The following KCNJ3 variants were observed in gnomAD, a reference collection of about 807,000 sequenced individuals.
The protein encoded by KCNJ3 is potassium inwardly rectifying channel subfamily J member 3, also known as G protein-activated inward rectifier potassium channel 1.
In KCNJ3, 4 loss-of-function variants were observed where a neutral mutation model predicts 39.2. The observed-to-expected ratio is 0.10, with a 90% CI of 0.05 to 0.23. The LOEUF (loss-of-function observed/expected upper bound fraction) is 0.23, where lower values mean the gene tolerates loss of function less well. Ranked by LOEUF, KCNJ3 falls within the 10% of genes least tolerant of loss-of-function variation. KCNJ3 has a pLI of 1.00. For synonymous variants in KCNJ3, 230 were observed against 237.4 expected (o/e 0.97, Z 0.29); for missense variants, 276 against 634.9 (o/e 0.43, Z 6.08).
chr2:154,819,279 A>T (rs1351001477), intron 2 of KCNJ3, among the ~76,000 whole-genome samples: 4 of 152,306 alleles, frequency 2.6e-5, no homozygotes, highest in African/African-American at 4.8e-5. Context: ...GTAAACTTTT[A>T]AAAAACTTTT....
At chr2:154,838,849 AG>A (rs1687518062) in intron 2 of KCNJ3, among the ~76,000 whole-genome samples, 1 of 152,216 alleles carries the variant, frequency 6.6e-6, no homozygotes, top group Non-Finnish European at 1.5e-5. Context: ...ATATTTCAAA[AG>A]ATTTTCTTCT....
At chr2:154,725,985 A>T (rs1373963340) in intron 2 of KCNJ3, among the ~76,000 whole-genome samples, 1 of 152,168 alleles carries the variant, frequency 6.6e-6, no homozygotes, top group African/African-American at 2.4e-5. Context: ...ACTTAAATGT[A>T]AGACCTGAAA....
At chr2:154,751,057 C>T (rs1037551721) in intron 2 of KCNJ3, among the ~76,000 whole-genome samples, 1 of 151,744 alleles carries the variant, frequency 6.6e-6, no homozygotes, top group African/African-American at 2.4e-5. Context: ...GTATACTTCT[C>T]GGGTGATGGG....
intron 2 of KCNJ3, among the ~76,000 whole-genome samples, chr2:154,822,496 T>A (rs1687201916): frequency 6.6e-6 from 1 of 152,186 alleles, no homozygotes; most frequent in Non-Finnish European, 1.5e-5. Flanking sequence ...TTTTTACAAA[T>A]AAAATAGTTT....
chr2:154,701,871 G>T (rs934131931), intron 1 of KCNJ3, among the ~76,000 whole-genome samples: 1 of 151,982 alleles, frequency 6.6e-6, no homozygotes, highest in African/African-American at 2.4e-5. Flanking sequence ...GTCAGTTAGC[G>T]TAGCTTGTTC....
intron 1 of KCNJ3, among the ~76,000 whole-genome samples, chr2:154,702,262 C>T (rs1424466393): frequency 6.6e-6 from 1 of 151,822 alleles, no homozygotes; most frequent in African/African-American, 2.4e-5. Context: ...GCAACAAAAT[C>T]CAGTATAATA....
chr2:154,825,743 A>AT (rs932015256), intron 2 of KCNJ3, among the ~76,000 whole-genome samples: 4 of 150,710 alleles, frequency 2.7e-5, no homozygotes, highest in South Asian at 2.1e-4. Flanking sequence ...CACCCAGCTA[A>AT]TTTTTTTTAA....
At chr2:154,757,162 G>T (rs376207970) in intron 2 of KCNJ3, among the ~76,000 whole-genome samples, 2 of 152,070 alleles carry the variant, frequency 1.3e-5, no homozygotes, top group Admixed American at 6.6e-5. Flanking sequence ...TATAAATCAA[G>T]AATATAAGTC....
intron 2 of KCNJ3, among the ~76,000 whole-genome samples, chr2:154,767,608 C>G (rs981517004): frequency 6.6e-6 from 1 of 152,132 alleles, no homozygotes; most frequent in Non-Finnish European, 1.5e-5. Flanking sequence ...TGGATTGGTT[C>G]CAAGTCTTTG....
rs904364635 is a variant in KCNJ3 at position 154,849,838 on chromosome 2, G to C, written c.920-4889G>C. On this transcript the variant is annotated intron_variant, in intron 2 of 2. Coordinates refer to ENST00000295101, the MANE Select transcript of KCNJ3 (RefSeq NM_002239.4). Reference sequence around the variant, plus strand: ...TAATTCAGTTAAAAGGATGGACTTAGTTCAGTTTAGAGGCAGAATCAGGAA... The same window carrying C: ...TAATTCAGTTAAAAGGATGGACTTACTTCAGTTTAGAGGCAGAATCAGGAA... Among the ~76,000 whole-genome samples the C allele has an allele frequency of 2.0e-5, 3 of 152,128 alleles. No homozygotes were observed. In the East Asian group the frequency reaches 5.8e-4, roughly 29 times the overall value.
At chr2:154,706,868 C>A (rs557947616) in intron 1 of KCNJ3, among the ~76,000 whole-genome samples, 2 of 152,056 alleles carry the variant, frequency 1.3e-5, no homozygotes, top group South Asian at 4.1e-4. Flanking sequence ...CAGGCACCTG[C>A]CACATTAAAA....
At chr2:154,763,544 G>T (rs16838117) in intron 2 of KCNJ3, among the ~76,000 whole-genome samples, 6,808 of 152,208 alleles carry the variant, frequency 0.045, 175 homozygotes, top group African/African-American at 0.058. Context: ...ATGAGAGAAA[G>T]ATTTGGAAGT....
chr2:154,772,392 CT>C (rs1218489672), intron 2 of KCNJ3, among the ~76,000 whole-genome samples: 1 of 151,910 alleles, frequency 6.6e-6, no homozygotes, highest in Non-Finnish European at 1.5e-5. Flanking sequence ...CAAAGTGTTT[CT>C]TTTTTTATCT....
At chr2:154,765,941 T>A (rs1432327003) in intron 2 of KCNJ3, among the ~76,000 whole-genome samples, 2 of 152,154 alleles carry the variant, frequency 1.3e-5, no homozygotes, top group Non-Finnish European at 2.9e-5. Flanking sequence ...TGATATTTAG[T>A]CTGATTCTAA....
chr2:154,819,512 C>T (rs1574473934), intron 2 of KCNJ3, among the ~76,000 whole-genome samples: 2 of 151,630 alleles, frequency 1.3e-5, no homozygotes, highest in African/African-American at 4.9e-5. Flanking sequence ...AACACAATAA[C>T]ATTTTATTTA....
At chr2:154,707,119 G>A (rs539358170) in intron 1 of KCNJ3, among the ~76,000 whole-genome samples, 19 of 152,104 alleles carry the variant, frequency 1.2e-4, no homozygotes, top group South Asian at 1.0e-3. Context: ...GGATACATAC[G>A]TAAAGAATTC....
chr2:154,815,924 TG>T, intron 2 of KCNJ3, among the ~76,000 whole-genome samples: 1 of 152,274 alleles, frequency 6.6e-6, no homozygotes, highest in South Asian at 2.1e-4. Flanking sequence ...ATCAGGGAAG[TG>T]TTTCTTGGCA....
At chr2:154,788,180 C>T (rs1231522291) in intron 2 of KCNJ3, among the ~76,000 whole-genome samples, 3 of 152,072 alleles carry the variant, frequency 2.0e-5, no homozygotes, top group Non-Finnish European at 4.4e-5. Context: ...CAGACACATC[C>T]TACATCTAAA....
intron 2 of KCNJ3, among the ~76,000 whole-genome samples, chr2:154,801,752 A>G (rs745639376): frequency 1.1e-4 from 17 of 151,832 alleles, no homozygotes; most frequent in Non-Finnish European, 1.6e-4. Flanking sequence ...TGAGTCTCCC[A>G]AGTAGCTGAC....
Sources: allele counts gnomAD v4.1 joint callset (sites outside exome capture counted in the v4.1 genomes callset), GRCh38; gene constraint gnomAD v4.1.1; transcripts MANE v1.5; gene names NCBI Gene and HGNC (gene_info 2026-07-23, HGNC 2026-07-21).